The following ARIH1 variants were observed in gnomAD, a reference collection of about 807,000 sequenced individuals.
The protein encoded by ARIH1 is ariadne RBR E3 ubiquitin protein ligase 1.
In ARIH1, 8 loss-of-function variants were observed where a neutral mutation model predicts 85.0. The ratio of observed to expected loss-of-function variants is 0.09; its 90% CI spans 0.06 to 0.17. The LOEUF is 0.17. ARIH1 is among the 10% of genes least tolerant of loss of function. The pLI is 1.00. For missense variants in ARIH1, 311 were observed against 718.1 expected (o/e 0.43, Z 6.48); for synonymous variants, 238 against 253.6 (o/e 0.94, Z 0.59).
At chr15:72,497,998 T>G (rs1347044139) in intron 1 of ARIH1, among the ~76,000 whole-genome samples, 1 of 152,212 alleles carries the variant, frequency 6.6e-6, no homozygotes, top group Admixed American at 6.5e-5. Context: ...ATCAATAGTG[T>G]TAAAATGTTT....
intron 1 of ARIH1, among the ~76,000 whole-genome samples, chr15:72,493,896 G>GACTA (rs56933695): frequency 6.6e-6 from 1 of 150,922 alleles, no homozygotes; most frequent in African/African-American, 2.4e-5. Flanking sequence ...TTTATTGTTT[G>GACTA]TGCATACATA....
chr15:72,544,712 T>G (rs1202587911), intron 2 of ARIH1, 108 bp from the exon 3 acceptor site: 2 of 1,018,588 alleles, frequency 2.0e-6, no homozygotes, highest in African/African-American at 3.2e-5. Context: ...TTATCTTGTT[T>G]TATTTTAATT....
At chr15:72,533,687 G>A (rs773984777) in intron 2 of ARIH1, among the ~76,000 whole-genome samples, 35 of 152,028 alleles carry the variant, frequency 2.3e-4, no homozygotes, top group Non-Finnish European at 4.0e-4. Flanking sequence ...TGGGAGAATC[G>A]CTTGAGGCCA....
At chr15:72,558,494 G>A (rs996381538) in intron 5 of ARIH1, among the ~76,000 whole-genome samples, 2 of 152,290 alleles carry the variant, frequency 1.3e-5, no homozygotes, top group Non-Finnish European at 2.9e-5. Context: ...TAGAGACAGA[G>A]TTTCGTCATG....
intron 3 of ARIH1, 47 bp downstream of exon 3, chr15:72,545,011 G>T: frequency 6.8e-7 from 1 of 1,466,432 alleles, no homozygotes. Context: ...GTATTTCAGA[G>T]GGTAAATCAA....
intron 3 of ARIH1, among the ~76,000 whole-genome samples, chr15:72,547,173 C>T (rs377619293): frequency 1.1e-4 from 16 of 151,686 alleles, no homozygotes; most frequent in East Asian, 1.9e-4. Flanking sequence ...ATGATCTGCC[C>T]GCCTCAGCAT....
chr15:72,505,811 C>G (rs2063922050), intron 1 of ARIH1, among the ~76,000 whole-genome samples: 1 of 152,142 alleles, frequency 6.6e-6, no homozygotes. Context: ...TCTTGGTTCA[C>G]TGCACCCTCT....
intron 10 of ARIH1, 78 bp from the exon 11 acceptor site, chr15:72,572,030 G>A (rs2064250174): frequency 9.5e-7 from 1 of 1,057,232 alleles, no homozygotes; most frequent in Non-Finnish European, 1.4e-6. Context: ...TGTAAATCCA[G>A]GTTAAAATTC....
intron 1 of ARIH1, among the ~76,000 whole-genome samples, chr15:72,478,615 T>C (rs1346522558): frequency 1.3e-5 from 2 of 152,096 alleles, no homozygotes; most frequent in African/African-American, 2.4e-5. Flanking sequence ...AAGGAGCATA[T>C]AGGGATAGGG....
intron 1 of ARIH1, among the ~76,000 whole-genome samples, chr15:72,490,555 C>T (rs2063855075): frequency 6.6e-6 from 1 of 152,094 alleles, no homozygotes; most frequent in Non-Finnish European, 1.5e-5. Flanking sequence ...CACTCCCCTC[C>T]CGCTCCTTTC....
At chr15:72,536,093 C>T (rs1189794079) in intron 2 of ARIH1, among the ~76,000 whole-genome samples, 2 of 152,108 alleles carry the variant, frequency 1.3e-5, no homozygotes, top group African/African-American at 4.8e-5. Context: ...CGTAGACAAC[C>T]ACCAGTAAAG....
chr15:72,480,722 G>A (rs1456523396), intron 1 of ARIH1, among the ~76,000 whole-genome samples: 1 of 151,994 alleles, frequency 6.6e-6, no homozygotes, highest in Non-Finnish European at 1.5e-5. Context: ...ATGCCACCAC[G>A]CCTGGCTAAT....
intron 1 of ARIH1, among the ~76,000 whole-genome samples, chr15:72,488,763 A>G (rs2063847295): frequency 2.0e-5 from 3 of 152,238 alleles, no homozygotes; most frequent in Non-Finnish European, 4.4e-5. Context: ...GGCACTAACA[A>G]ATTATTTTAT....
chr15:72,493,721 T>C (rs1225556750), intron 1 of ARIH1, among the ~76,000 whole-genome samples: 2 of 152,200 alleles, frequency 1.3e-5, no homozygotes, highest in African/African-American at 4.8e-5. Context: ...TGCAAACTTA[T>C]CTTTGTGAAT....
intron 3 of ARIH1, among the ~76,000 whole-genome samples, chr15:72,551,076 A>G (rs534929668): frequency 2.6e-5 from 4 of 152,224 alleles, no homozygotes; most frequent in Non-Finnish European, 5.9e-5. Flanking sequence ...ATCTAATATC[A>G]TAAGTAACAT....
chr15:72,543,014 A>G (rs530590231), intron 2 of ARIH1, among the ~76,000 whole-genome samples: 3 of 151,268 alleles, frequency 2.0e-5, no homozygotes, highest in South Asian at 2.1e-4. Context: ...GCTCACTGCA[A>G]CCTTGCCTCC....
chr15:72,515,301 A>C (rs911751083), intron 1 of ARIH1, among the ~76,000 whole-genome samples: 1 of 152,174 alleles, frequency 6.6e-6, no homozygotes, highest in Admixed American at 6.5e-5. Flanking sequence ...GTGCCATTGC[A>C]CTCCAGCCTG....
At chr15:72,541,705 A>G (rs1384893426) in intron 2 of ARIH1, among the ~76,000 whole-genome samples, 3 of 152,190 alleles carry the variant, frequency 2.0e-5, no homozygotes, top group Non-Finnish European at 2.9e-5. Flanking sequence ...CTAAATAGGA[A>G]ATTTGGGTAT....
intron 5 of ARIH1, among the ~76,000 whole-genome samples, chr15:72,559,384 C>T (rs567149489): frequency 6.6e-6 from 1 of 152,158 alleles, no homozygotes; most frequent in Non-Finnish European, 1.5e-5. Context: ...ATTCTCCTGC[C>T]TCAGCCTCCT....
Sources: allele counts gnomAD v4.1 joint callset (sites outside exome capture counted in the v4.1 genomes callset), GRCh38; gene constraint gnomAD v4.1.1; transcripts MANE v1.5; gene names NCBI Gene and HGNC (gene_info 2026-07-23, HGNC 2026-07-21).